The following NRG3 variants were observed in gnomAD, a reference collection of about 807,000 sequenced individuals.
NRG3 encodes the protein pro-neuregulin-3, membrane-bound isoform.
Under a neutral mutation model 66.9 loss-of-function variants are expected in NRG3, and 31 were observed. The ratio of observed to expected loss-of-function variants is 0.46; its 90% CI spans 0.35 to 0.63. NRG3 has a LOEUF of 0.63. NRG3 is among the 20% of genes least tolerant of loss of function. The pLI is 0.00. For missense variants in NRG3, 910 were observed against 878.9 expected (o/e 1.04, Z -0.45); for synonymous variants, 393 against 359.4 (o/e 1.09, Z -1.06).
chr10:82,640,986 G>T, intron 2 of NRG3, among the ~76,000 whole-genome samples: 1 of 150,654 alleles, frequency 6.6e-6, no homozygotes, highest in Non-Finnish European at 1.5e-5. Flanking sequence ...CAAAACCTAG[G>T]GTCTTTAAAT....
chr10:82,014,266 C>G (rs1442175996), intron 1 of NRG3, among the ~76,000 whole-genome samples: 2 of 152,166 alleles, frequency 1.3e-5, no homozygotes, highest in African/African-American at 4.8e-5. Flanking sequence ...TGCATGTAAA[C>G]TCCTCAACAT....
chr10:82,239,399 G>T (rs745980082), intron 1 of NRG3, among the ~76,000 whole-genome samples: 87 of 152,140 alleles, frequency 5.7e-4, no homozygotes, highest in Non-Finnish European at 1.0e-3. Context: ...CAGATGATCC[G>T]GCCGCCTTGG....
At chr10:82,115,649 A>C (rs7069393) in intron 1 of NRG3, among the ~76,000 whole-genome samples, 19,807 of 152,144 alleles carry the variant, frequency 0.13, 1,721 homozygotes, top group East Asian at 0.31. Flanking sequence ...CCTAAAAGAT[A>C]ATCAAATCCA....
At chr10:82,839,272 AT>A (rs1189869118) in intron 3 of NRG3, among the ~76,000 whole-genome samples, 1 of 152,198 alleles carries the variant, frequency 6.6e-6, no homozygotes, top group Admixed American at 6.6e-5. Context: ...ATACTCTAAT[AT>A]TCAGCTAGTA....
chr10:82,968,973 A>G (rs1410945030), intron 6 of NRG3, among the ~76,000 whole-genome samples: 1 of 152,196 alleles, frequency 6.6e-6, no homozygotes. Flanking sequence ...TTTCCCTTAT[A>G]AAACTATCAG....
intron 1 of NRG3, among the ~76,000 whole-genome samples, chr10:82,170,594 C>T (rs1434655751): frequency 7.0e-6 from 1 of 142,812 alleles, no homozygotes; most frequent in African/African-American, 2.6e-5. Flanking sequence ...TTAATTTTCT[C>T]ATTTTTAAAA....
intron 2 of NRG3, among the ~76,000 whole-genome samples, chr10:82,631,177 C>T (rs941100923): frequency 6.6e-6 from 1 of 152,148 alleles, no homozygotes; most frequent in African/African-American, 2.4e-5. Context: ...GCTAATTAAT[C>T]CTTCCAACTC....
At chr10:82,192,134 G>A (rs557434559) in intron 1 of NRG3, among the ~76,000 whole-genome samples, 3 of 152,226 alleles carry the variant, frequency 2.0e-5, no homozygotes, top group African/African-American at 7.2e-5. Flanking sequence ...AAGGGGAAAC[G>A]CCAGACTCCC....
chr10:82,054,733 C>T (rs1299468648), intron 1 of NRG3, among the ~76,000 whole-genome samples: 4 of 151,544 alleles, frequency 2.6e-5, no homozygotes, highest in African/African-American at 9.7e-5. Flanking sequence ...TTGAGAAAGC[C>T]AAGGAAGAGA....
intron 1 of NRG3, among the ~76,000 whole-genome samples, chr10:82,183,277 A>G (rs2073558318): frequency 6.6e-6 from 1 of 151,704 alleles, no homozygotes; most frequent in Non-Finnish European, 1.5e-5. Flanking sequence ...TAATTCATGT[A>G]GTGGCCAGCT....
chr10:82,220,691 A>G (rs1011534390), intron 1 of NRG3, among the ~76,000 whole-genome samples: 1 of 152,130 alleles, frequency 6.6e-6, no homozygotes, highest in Non-Finnish European at 1.5e-5. Flanking sequence ...TGATTACCAA[A>G]TTTCATTTTG....
chr10:82,288,656 G>T (rs920571859), intron 1 of NRG3, among the ~76,000 whole-genome samples: 9 of 152,136 alleles, frequency 5.9e-5, no homozygotes, highest in Non-Finnish European at 8.8e-5. Flanking sequence ...GTGAACAAAA[G>T]AAATCCTCTA....
intron 2 of NRG3, among the ~76,000 whole-genome samples, chr10:82,692,114 C>T (rs975379648): frequency 1.3e-5 from 2 of 152,006 alleles, no homozygotes; most frequent in South Asian, 2.1e-4. Context: ...ATTAGCCAGG[C>T]GTGGTGGCAG....
At chr10:82,696,943 A>G (rs1184666844) in intron 2 of NRG3, among the ~76,000 whole-genome samples, 1 of 152,208 alleles carries the variant, frequency 6.6e-6, no homozygotes, top group Non-Finnish European at 1.5e-5. Flanking sequence ...ACGTCCCTCC[A>G]TTGCATTTCT....
At chr10:82,945,305 G>A (rs1294966680) in intron 4 of NRG3, among the ~76,000 whole-genome samples, 1 of 152,130 alleles carries the variant, frequency 6.6e-6, no homozygotes, top group Non-Finnish European at 1.5e-5. Flanking sequence ...CATCCTCTGA[G>A]GCCAGGGTAC....
intron 1 of NRG3, among the ~76,000 whole-genome samples, chr10:82,120,615 G>A (rs2068025104): frequency 6.6e-6 from 1 of 152,042 alleles, no homozygotes; most frequent in African/African-American, 2.4e-5. Context: ...TAAAGAAGAT[G>A]TTTCAGGATA....
intron 2 of NRG3, among the ~76,000 whole-genome samples, chr10:82,604,369 T>C (rs1245927521): frequency 6.6e-6 from 1 of 152,200 alleles, no homozygotes; most frequent in African/African-American, 2.4e-5. Context: ...TTTCATGGCT[T>C]GACAGCTTAT....
At chr10:82,671,418 C>T (rs529320660) in intron 2 of NRG3, among the ~76,000 whole-genome samples, 1 of 152,326 alleles carries the variant, frequency 6.6e-6, no homozygotes, top group South Asian at 2.1e-4. Flanking sequence ...GCATCTTTGA[C>T]TCCCCGTTAA....
intron 1 of NRG3, among the ~76,000 whole-genome samples, chr10:82,207,090 T>A (rs752908813): frequency 1.3e-5 from 2 of 152,168 alleles, no homozygotes; most frequent in African/African-American, 4.8e-5. Flanking sequence ...AAAACAATAG[T>A]CTTTCTGGAT....
Sources: allele counts gnomAD v4.1 joint callset (sites outside exome capture counted in the v4.1 genomes callset), GRCh38; gene constraint gnomAD v4.1.1; transcripts MANE v1.5; gene names NCBI Gene and HGNC (gene_info 2026-07-23, HGNC 2026-07-21).